VCL: variants seen among roughly 807,000 people sequenced by gnomAD.
VCL encodes the protein vinculin, also known as epididymis luminal protein 114.
In VCL, 47 loss-of-function variants were observed where a neutral mutation model predicts 125.7. The ratio of observed to expected loss-of-function variants is 0.37; its 90% CI spans 0.30 to 0.48. VCL has a LOEUF of 0.48. Ranked by LOEUF, VCL falls within the 20% of genes least tolerant of loss-of-function variation. The probability of loss-of-function intolerance (pLI) is 0.99; values close to 1 mark genes in which losing one functional copy is unlikely to be tolerated. For missense variants in VCL, 1,069 were observed against 1,455.5 expected (o/e 0.73, Z 4.32); for synonymous variants, 458 against 514.6 (o/e 0.89, Z 1.49).
In VCL at chr10:74,026,954, T is replaced by A. The variant is rs542261485; in HGVS notation, c.169-16129T>A. Among the ~76,000 whole-genome samples, 33 of 152,346 alleles carry A rather than the reference T, an allele frequency of 2.2e-4. No homozygotes were observed. The East Asian group carries it at 2.9e-3, about 13-fold the overall frequency. On this transcript the variant is annotated intron_variant, in intron 1 of 21. Transcript: ENST00000211998. ...TGGAGTTACTTTTCCATGGAGACAA[T>A]GTTACATGGTTACATGCCCAGGCTT...
At chr10:74,008,211 A>G (rs1840355624) in intron 1 of VCL, among the ~76,000 whole-genome samples, 1 of 152,230 alleles carries the variant, frequency 6.6e-6, no homozygotes, top group South Asian at 2.1e-4. Flanking sequence ...GCTGTCAAAT[A>G]TCTGGTATAG....
At chr10:74,047,584 A>C (rs1841214946) in intron 2 of VCL, among the ~76,000 whole-genome samples, 1 of 152,196 alleles carries the variant, frequency 6.6e-6, no homozygotes, top group Admixed American at 6.5e-5. Flanking sequence ...CTTAAGCAAC[A>C]CTAAAGGCTA....
intron 6 of VCL, chr10:74,077,688 C>G (rs1839613450): frequency 1.8e-5 from 8 of 453,138 alleles, no homozygotes; most frequent in South Asian, 1.3e-4. Flanking sequence ...TTTCATGCCT[C>G]CCCATTGGTG....
chr10:74,021,764 T>G (rs1249942770), intron 1 of VCL, among the ~76,000 whole-genome samples: 1 of 152,218 alleles, frequency 6.6e-6, no homozygotes. Flanking sequence ...AAAAATCTCC[T>G]TTTTTCTCCT....
At chr10:74,073,235 G>C (rs1839517889) in intron 5 of VCL, among the ~76,000 whole-genome samples, 1 of 152,142 alleles carries the variant, frequency 6.6e-6, no homozygotes, top group Non-Finnish European at 1.5e-5. Context: ...CATGGCTCCT[G>C]GCCTGAGGTT....
At chr10:74,004,509 A>G (rs923561692) in intron 1 of VCL, among the ~76,000 whole-genome samples, 4 of 152,160 alleles carry the variant, frequency 2.6e-5, no homozygotes, top group Non-Finnish European at 5.9e-5. Context: ...GTTAAATATC[A>G]GTGGAGGTTT....
chr10:74,075,167 T>C (rs924765256), intron 6 of VCL: 1 of 462,266 alleles, frequency 2.2e-6, no homozygotes, highest in Non-Finnish European at 3.9e-6. Flanking sequence ...TCCATCAGGC[T>C]GGAGTCTTAT....
chr10:74,103,957 C>G (rs766863634), intron 15 of VCL, 29 bp downstream of exon 15: 4 of 1,601,192 alleles, frequency 2.5e-6, no homozygotes, highest in Non-Finnish European at 3.4e-6. Context: ...ATCTTGTTGT[C>G]TAATCCATGA....
At position 74,083,246 on chromosome 10, in the gene VCL, T is replaced by C. The variant is rs531874710; in HGVS notation, c.875-120T>C. On this transcript the variant is annotated intron_variant, in intron 7 of 21. Transcript: ENST00000211998. ...CTGTTAGCTATCAGATATGTTGCCT[T>C]CTATTCACTCGTCTTGTTTAAAATC... 17 of 1,353,946 alleles carry C rather than the reference T, an allele frequency of 1.3e-5. No homozygotes were observed. The South Asian group carries it at 1.7e-4, about 14-fold the overall frequency. 83.9% of individuals were successfully genotyped at this position (1,353,946 alleles called of 1,614,324 possible). A position where few individuals can be genotyped will look rare whatever the true frequency, so the allele number is the denominator to read the frequency against.
At chr10:74,054,317 G>T (rs1473389033) in intron 2 of VCL, among the ~76,000 whole-genome samples, 1 of 152,128 alleles carries the variant, frequency 6.6e-6, no homozygotes, top group African/African-American at 2.4e-5. Flanking sequence ...AATATTGTTA[G>T]GTGGTTACAA....
At chr10:74,060,579 C>A (rs1218588340) in intron 2 of VCL, among the ~76,000 whole-genome samples, 1 of 149,620 alleles carries the variant, frequency 6.7e-6, no homozygotes, top group Non-Finnish European at 1.5e-5. Context: ...TTGCTTGAGC[C>A]CAGGGAACGG....
chr10:74,069,959 G>A (rs960500080), intron 2 of VCL, among the ~76,000 whole-genome samples: 3 of 151,924 alleles, frequency 2.0e-5, no homozygotes, highest in Non-Finnish European at 4.4e-5. Flanking sequence ...TAATAATAGT[G>A]ACCTTTAATT....
intron 1 of VCL, among the ~76,000 whole-genome samples, chr10:74,004,126 T>A (rs1840276833): frequency 6.9e-6 from 1 of 144,430 alleles, no homozygotes; most frequent in African/African-American, 2.9e-5. Context: ...TATTAGACTT[T>A]ATTTCAGTTA....
rs111609277 is a variant in VCL, at chr10:74,073,063, T to C, written c.622+211T>C. On this transcript the variant is annotated intron_variant, in intron 5 of 21. Transcript: ENST00000211998. Reference sequence around the variant, plus strand: ...TCAAGCGATTCTCCTGCCTCAGCCTTCTGAGTAGCAGGCACTACAGGTGCG... The same window carrying C: ...TCAAGCGATTCTCCTGCCTCAGCCTCCTGAGTAGCAGGCACTACAGGTGCG... 0.063 allele frequency among the ~76,000 whole-genome samples: 9,506 copies of C among 151,768 alleles called. 1,016 individuals carry two copies. Among genetic ancestry groups the C allele is most frequent in the African/African-American group, 0.22 (8,920 of 41,298 alleles).
At position 74,070,790 on chromosome 10, in the gene VCL, A is replaced by G; in HGVS notation, c.360A>G (p.Ser120=). ...CAAGGGGCATCCTCTCTGGAACATC[A>G]GACCTGCTCCTTACCTTCGATGAGG... The part of the protein sequence containing the change: ...DGSRGILSGT[S]DLLLTFDEAE... The change falls in exon 3 of 22, where the codon TCA becomes TCG. Residue 120 remains serine (S), a synonymous_variant. Transcript: ENST00000211998. 1 of 1,614,146 alleles carries G rather than the reference A, an allele frequency of 6.2e-7. No homozygotes were observed. The highest frequency in any genetic ancestry group is 8.5e-7 in the Non-Finnish European group (1 of 1,180,022).
At chr10:74,096,887 C>T (rs530445168) in intron 12 of VCL, among the ~76,000 whole-genome samples, 1 of 152,352 alleles carries the variant, frequency 6.6e-6, no homozygotes, top group East Asian at 1.9e-4. Flanking sequence ...TCTGGGCCTT[C>T]TTTGGGCTCA....
intron 16 of VCL, 31 bp from the exon 17 acceptor site, chr10:74,107,199 C>G (rs933505208): frequency 8.7e-6 from 14 of 1,613,994 alleles, no homozygotes; most frequent in Non-Finnish European, 1.2e-5. Context: ...ACTGACCCAC[C>G]CAGCTGAAAG....
intron 1 of VCL, among the ~76,000 whole-genome samples, chr10:74,019,608 A>G (rs1840623244): frequency 6.6e-6 from 1 of 152,216 alleles, no homozygotes; most frequent in Non-Finnish European, 1.5e-5. Context: ...GTAGGAGTGC[A>G]GATAGAGAAA....
rs147229514 is a variant in VCL at position 74,098,569 on chromosome 10, T to C, written c.1872+1237T>C. ...TCCAGGAGAGCTTTGCTATGCCTCA[T>C]TGGCTTGAACTCTGTCTCATGGCCA... is the stretch of plus-strand genomic sequence containing the variant. On this transcript the variant is annotated intron_variant, in intron 13 of 21. Coordinates refer to ENST00000211998, the MANE Select transcript of VCL (RefSeq NM_014000.3). Among the ~76,000 whole-genome samples, 62 of 152,316 alleles carry C rather than the reference T, an allele frequency of 4.1e-4. 1 individual carries two copies. The highest frequency in any genetic ancestry group is 8.3e-4 in the South Asian group (4 of 4,830).
Sources: gnomAD v4.1 joint callset for allele counts (sites outside exome capture counted in the v4.1 genomes callset) on GRCh38, gnomAD v4.1.1 for gene constraint, MANE v1.5 for transcripts, NCBI Gene and HGNC (gene_info 2026-07-23, HGNC 2026-07-21) for gene names.